Variants in COQ6 observed in about 807,000 individuals in gnomAD.
COQ6 encodes ubiquinone biosynthesis monooxygenase COQ6, mitochondrial.
COQ6 carries 45 observed loss-of-function variants against 55.5 expected under a neutral mutation model. The observed-to-expected ratio is 0.81, with a 90% CI of 0.64 to 1.04. COQ6 has a LOEUF of 1.04. COQ6 is among the 50% of genes least tolerant of loss of function. The pLI is 0.00. For missense variants in COQ6, 550 were observed against 601.3 expected, an observed-to-expected ratio of 0.91 and a Z score of 0.89; for synonymous variants, 206 against 230.5, an observed-to-expected ratio of 0.89 and a Z score of 0.96.
intron 6 of COQ6, 31 bp from the exon 7 acceptor site, chr14:73,959,131 C>G: frequency 6.8e-6 from 11 of 1,614,178 alleles, no homozygotes; most frequent in Non-Finnish European, 9.3e-6. Context: ...CTAGGTACTT[C>G]ACAGAGAAAC....
intron 8 of COQ6, chr14:73,959,928 T>C: frequency 8.6e-7 from 1 of 1,162,898 alleles, no homozygotes; most frequent in Non-Finnish European, 1.1e-6. Context: ...CTTTCTACTT[T>C]GTAACTATAA....
chr14:73,953,929 T>A (rs2056300248), intron 2 of COQ6: 1 of 338,902 alleles, frequency 3.0e-6, no homozygotes. Context: ...TCTAGCAAGC[T>A]AGGGAGCTTA....
In COQ6 at chr14:73,959,603, T is replaced by A. The variant is rs777514074; in HGVS notation, c.891+81T>A. 5 of 1,603,840 alleles carry A rather than the reference T, an allele frequency of 3.1e-6. No homozygotes were observed. In the South Asian group the frequency reaches 5.5e-5, roughly 18 times the overall value. ...GTTGTTTTTTTTTTTTTGAAACGGA[T>A]CCTTGCCAGGCTGGAGCGCAGTGGC... On this transcript the variant is annotated intron_variant, in intron 8 of 11. Coordinates refer to ENST00000334571, the MANE Select transcript of COQ6 (RefSeq NM_182476.3).
At chr14:73,956,296 C>G (rs913612530) in intron 4 of COQ6, 2 of 226,260 alleles carry the variant, frequency 8.8e-6, no homozygotes, top group African/African-American at 2.3e-5. Context: ...CCACTGCACT[C>G]CAGCCTGGGC....
upstream of COQ6, chr14:73,949,922 G>C: frequency 6.2e-7 from 1 of 1,607,626 alleles, no homozygotes; most frequent in Non-Finnish European, 8.5e-7. Flanking sequence ...ACGCCCAACA[G>C]TTTCCTCTCC....
Position 73,950,323 on chromosome 14 carries a change from G to C in COQ6, c.-10G>C, listed in dbSNP as rs763431573. ...CGGGAGTTCTGAGTGCGACGGCGCA[G>C]GTCTGCACCATGGCGGCCCGGCTTG... is the stretch of plus-strand genomic sequence containing the variant. On this transcript the variant is annotated 5_prime_UTR_variant, in exon 1 of 12. Transcript: ENST00000334571. 1.3e-6 allele frequency: 2 copies of C among 1,548,852 alleles called. No individual in the cohort carries two copies. Among genetic ancestry groups the C allele is most frequent in the African/African-American group, 1.4e-5 (1 of 73,538 alleles).
Position 73,959,398 on chromosome 14 carries a change from G to A in COQ6, c.784-17G>A, listed in dbSNP as rs2056600758. 2 of 1,614,144 alleles carry A rather than the reference G, an allele frequency of 1.2e-6. No homozygotes were observed. The highest frequency in any genetic ancestry group is 1.7e-6 in the Non-Finnish European group (2 of 1,180,018). The stretch of plus-strand genomic sequence containing the variant: ...AGCAGAGTCTTAGCCGTTGGTATTG[G>A]TGTTCTTTTGACACAGCTCTCAGAC... On this transcript the variant is annotated splice_polypyrimidine_tract_variant and intron_variant, in intron 7 of 11. Transcript: ENST00000334571.
Position 73,958,971 on chromosome 14 carries a change from ATAGGT to A in COQ6, c.614_618del (p.Ile205SerfsTer22). The A allele has an allele frequency of 6.2e-7, 1 of 1,613,770 alleles. No individual in the cohort carries two copies. Among genetic ancestry groups the A allele is most frequent in the South Asian group, 1.1e-5 (1 of 91,060 alleles). ...TTAGCAGGCTCATGTGTCCATGCAG[ATAGGT>A]GCAGATGGTCACAACTCCGGAGTAC... is the stretch of plus-strand genomic sequence containing the variant. On this transcript the variant is annotated frameshift_variant and splice_region_variant, in exon 6 of 12. Coordinates refer to ENST00000334571, the MANE Select transcript of COQ6 (RefSeq NM_182476.3). LOFTEE classifies it high-confidence loss of function.
intron 1 of COQ6, 196 bp downstream of exon 1, chr14:73,950,691 G>A (rs1434178134): frequency 2.6e-6 from 2 of 780,676 alleles, no homozygotes; most frequent in Non-Finnish European, 4.0e-6. Context: ...TCAAAAGTGG[G>A]AGGGGCGTTC....
chr14:73,956,202 C>A (rs1281145320), intron 4 of COQ6: 1 of 374,786 alleles, frequency 2.7e-6, no homozygotes, highest in Non-Finnish European at 5.2e-6. Context: ...GTGGCGGGCG[C>A]CTATAGACCC....
chr14:73,954,299 A>C (rs940053560), intron 2 of COQ6, among the ~76,000 whole-genome samples: 3 of 152,198 alleles, frequency 2.0e-5, no homozygotes, highest in Non-Finnish European at 4.4e-5. Flanking sequence ...TGCTATGAAG[A>C]GCTAAAAAAT....
chr14:73,959,112 T>G, intron 6 of COQ6, 34 bp downstream of exon 6: 1 of 1,614,184 alleles, frequency 6.2e-7, no homozygotes. Context: ...GGGACTTTAT[T>G]CATAGGCACT....
rs1474167346 is a variant in COQ6, at chr14:73,950,389, C to T, written c.57C>T (p.Gly19=). The T allele has an allele frequency of 1.9e-6, 3 of 1,575,724 alleles. No homozygotes were observed. The South Asian group carries it at 3.5e-5, about 18-fold the overall frequency. ...CTGTGCGTGCAGCTCCCCACAGCGG[C>T]CCGCTGGTGTCCTGGCGCAGGTGGT... ...CGAVRAAPHS[G]PLVSWRRWSG... The change falls in exon 1 of 12, where the codon GGC becomes GGT. Residue 19 remains glycine, a synonymous_variant. Coordinates refer to ENST00000334571, the MANE Select transcript of COQ6 (RefSeq NM_182476.3).
In COQ6 at chr14:73,953,419, A is replaced by T. The variant is rs1273799147; in HGVS notation, c.164-16A>T. On this transcript the variant is annotated splice_polypyrimidine_tract_variant and intron_variant, in intron 1 of 11. Transcript: ENST00000334571. Reference sequence around the variant, plus strand: ...TCTTGATTTTCCTAAGATGATATAAATTTTCTTTTTTTAAGGATATGATAT... The same window carrying T: ...TCTTGATTTTCCTAAGATGATATAATTTTTCTTTTTTTAAGGATATGATAT... 5 of 1,528,620 alleles carry T rather than the reference A, an allele frequency of 3.3e-6. No individual in the cohort carries two copies. Among genetic ancestry groups the T allele is most frequent in the East Asian group, 2.4e-5 (1 of 41,652 alleles). The allele number at this position is 1,528,620 out of a possible 1,614,324, so 94.7% of individuals were successfully genotyped here. A position where few individuals can be genotyped will look rare whatever the true frequency, so the allele number is the denominator to read the frequency against.
At position 73,963,528 on chromosome 14, in the gene COQ6, T is replaced by TATC. The variant is rs1287758000; in HGVS notation, c.*531_*533dup. ...GTCTCATTAATGCTAGTTATTACTTTATCACAGCACCAGATTTCCATTTTA... is the reference window on the plus strand; with the variant it reads ...GTCTCATTAATGCTAGTTATTACTTTATCATCACAGCACCAGATTTCCATTTTA... On this transcript the variant is annotated 3_prime_UTR_variant, in exon 12 of 12. Transcript: ENST00000334571. 1 of 163,484 alleles carries TATC rather than the reference T, an allele frequency of 6.1e-6. No homozygotes were observed. The highest frequency in any genetic ancestry group is 2.4e-5 in the African/African-American group (1 of 41,552). 10.1% of individuals were successfully genotyped at this position (163,484 alleles called of 1,614,324 possible). A position where few individuals can be genotyped will look rare whatever the true frequency, so the allele number is the denominator to read the frequency against.
chr14:73,961,493 G>A lies in COQ6; in HGVS notation c.1133G>A (p.Gly378Asp). Residue 378 changes from glycine (G) to aspartate (D), a missense_variant, in exon 10 of 12, where the codon GGT becomes GAT. Gly to Asp is a moderately conservative substitution (Grantham distance 94, BLOSUM62 -1). Transcript: ENST00000334571. ...AHRVHPLAGQ[G>D]VNMGFGDISS... ...AGAGTCCATCCGCTTGCAGGACAGGGTGTCAACATGGGCTTTGGGGATATC... is the reference window on the plus strand; with the variant it reads ...AGAGTCCATCCGCTTGCAGGACAGGATGTCAACATGGGCTTTGGGGATATC... 2 of 1,614,192 alleles carry A rather than the reference G, an allele frequency of 1.2e-6. No homozygotes were observed. Among genetic ancestry groups the A allele is most frequent in the Admixed American group, 1.7e-5 (1 of 60,020 alleles).
intron 2 of COQ6, among the ~76,000 whole-genome samples, chr14:73,955,115 G>A (rs2056370841): frequency 6.6e-6 from 1 of 151,192 alleles, no homozygotes; most frequent in Middle Eastern, 3.2e-3. Context: ...ACCACGCCCA[G>A]CTGATTTTTT....
chr14:73,961,898 C>G lies in COQ6; in HGVS notation c.1372C>G (p.Leu458Val). The change falls in exon 11 of 12, where the codon CTC (leucine) becomes GTC (valine). Residue 458 changes from leucine to valine, a missense_variant. By Grantham distance (32) the Leu-to-Val change is conservative (BLOSUM62 1). Coordinates refer to ENST00000334571, the MANE Select transcript of COQ6 (RefSeq NM_182476.3). ...GCAGGCCACAAATGCAGTGTCTCCA[C>G]TCAAAGTAAGAGGTTGCTCAGAGGA... ...GLQATNAVSP[L>V]KEQIMAFASK is the part of the protein sequence containing the mutation. 6.2e-7 allele frequency: 1 copy of G among 1,614,156 alleles called. No homozygotes were observed. The highest frequency in any genetic ancestry group is 1.1e-5 in the South Asian group (1 of 91,078).
At chr14:73,955,410 C>T in intron 2 of COQ6, 41 bp from the exon 3 acceptor site, 3 of 1,548,474 alleles carry the variant, frequency 1.9e-6, no homozygotes, top group South Asian at 2.2e-5. Flanking sequence ...AGCCCAGGTC[C>T]TTGTGAAGTC....
Sources: gnomAD v4.1 joint callset for allele counts (sites outside exome capture counted in the v4.1 genomes callset) on GRCh38, gnomAD v4.1.1 for gene constraint, MANE v1.5 for transcripts, NCBI Gene and HGNC (gene_info 2026-07-23, HGNC 2026-07-21) for gene names.